NSMCE4A: variants seen among roughly 807,000 people sequenced by gnomAD.
The protein encoded by NSMCE4A is NSE4A component of SMC5/6 complex.
Under a neutral mutation model 47.9 loss-of-function variants are expected in NSMCE4A, and 40 were observed. That is an observed-to-expected ratio of 0.83 (90% CI 0.65 to 1.09). NSMCE4A has a LOEUF of 1.09. NSMCE4A is among the 50% of genes least tolerant of loss of function. NSMCE4A has a pLI of 0.00. For missense variants in NSMCE4A, 500 were observed against 507.0 expected (o/e 0.99, Z 0.13); for synonymous variants, 166 against 178.5 (o/e 0.93, Z 0.56).
chr10:121,975,170 C>T lies in NSMCE4A; in HGVS notation c.-5G>A, dbSNP rs918899083. On this transcript the variant is annotated 5_prime_UTR_variant, in exon 1 of 11. Transcript: ENST00000369023. ...GCCGCTGCTGTCCCCAGACATAGCG[C>T]CAATTCACCGTGCAACTTCGGAACG... 60 of 1,372,648 alleles carry T rather than the reference C, an allele frequency of 4.4e-5. No individual in the cohort carries two copies. The highest frequency in any genetic ancestry group is 5.0e-5 in the Non-Finnish European group (54 of 1,070,852). The allele number at this position is 1,372,648 out of a possible 1,614,324, so 85.0% of individuals were successfully genotyped here.
chr10:121,965,077 A>G (rs573619231), intron 5 of NSMCE4A, among the ~76,000 whole-genome samples: 68 of 152,290 alleles, frequency 4.5e-4, no homozygotes, highest in Non-Finnish European at 8.7e-4. Flanking sequence ...GCTTCGGAGA[A>G]CTGATCAAAA....
chr10:121,971,075 C>G lies in NSMCE4A; in HGVS notation c.371-6G>C. Reference sequence around the variant, plus strand: ...TGCTTCTCTTGCTCGGGACACTATTCAAAAAAGAAAGAAAATATTCACATT... The same window carrying G: ...TGCTTCTCTTGCTCGGGACACTATTGAAAAAAGAAAGAAAATATTCACATT... On this transcript the variant is annotated splice_polypyrimidine_tract_variant and splice_region_variant and intron_variant, in intron 2 of 10. Transcript: ENST00000369023. 6.3e-7 allele frequency: 1 copy of G among 1,596,962 alleles called. No individual in the cohort carries two copies. Among genetic ancestry groups the G allele is most frequent in the Non-Finnish European group, 8.5e-7 (1 of 1,173,108 alleles).
chr10:121,971,523 CA>C (rs554321594), intron 2 of NSMCE4A, among the ~76,000 whole-genome samples: 68 of 151,166 alleles, frequency 4.5e-4, no homozygotes, highest in South Asian at 3.1e-3. Context: ...AAAACAAAAA[CA>C]AAAAAAAACT....
intron 1 of NSMCE4A, 101 bp downstream of exon 1, chr10:121,974,773 C>T (rs1455192542): frequency 3.3e-5 from 39 of 1,184,502 alleles, no homozygotes; most frequent in Non-Finnish European, 4.0e-5. Context: ...CCGCGCCGGG[C>T]CTCCGCCCGG....
intron 9 of NSMCE4A, 36 bp from the exon 10 acceptor site, chr10:121,959,446 T>C: frequency 6.2e-7 from 1 of 1,612,802 alleles, no homozygotes; most frequent in Non-Finnish European, 8.5e-7. Context: ...GCACTGGGCT[T>C]ACTGCAAGTG....
intron 4 of NSMCE4A, chr10:121,966,525 G>C (rs1952609973): frequency 6.6e-6 from 1 of 152,160 alleles, no homozygotes; most frequent in Non-Finnish European, 1.5e-5. Context: ...CTATTAAATA[G>C]AACATACACA....
At chr10:121,970,795 T>C (rs1379917829) in intron 3 of NSMCE4A, 144 bp downstream of exon 3, 1 of 668,340 alleles carries the variant, frequency 1.5e-6, no homozygotes, top group Non-Finnish European at 2.3e-6. Context: ...TTCGTCTGTT[T>C]AAATTGGTAA....
At chr10:121,971,104 AAATACACATTATCCAT>A (rs1479333885) in intron 2 of NSMCE4A, 35 bp from the exon 3 acceptor site, 46 of 1,589,738 alleles carry the variant, frequency 2.9e-5, no homozygotes, top group Non-Finnish European at 3.6e-5. Flanking sequence ...TCACATTACA[AAATACACATTATCCAT>A]AGACTTTTTC....
chr10:121,971,772 G>A (rs1347875293), intron 2 of NSMCE4A, among the ~76,000 whole-genome samples: 1 of 152,188 alleles, frequency 6.6e-6, no homozygotes, highest in African/African-American at 2.4e-5. Context: ...TGCTTGGCAT[G>A]GTGGTTTGTG....
intron 2 of NSMCE4A, among the ~76,000 whole-genome samples, chr10:121,973,131 G>A (rs527278474): frequency 2.0e-5 from 3 of 152,072 alleles, no homozygotes; most frequent in African/African-American, 7.2e-5. Flanking sequence ...AGCTACTCGG[G>A]ACGCTGAGGT....
At chr10:121,962,899 A>G (rs931951344) in intron 6 of NSMCE4A, among the ~76,000 whole-genome samples, 2 of 152,174 alleles carry the variant, frequency 1.3e-5, no homozygotes, top group Non-Finnish European at 2.9e-5. Flanking sequence ...CGGCCAAAAC[A>G]AACTATTTAG....
chr10:121,973,551 G>A (rs1266742573), intron 2 of NSMCE4A, among the ~76,000 whole-genome samples: 1 of 152,182 alleles, frequency 6.6e-6, no homozygotes, highest in Non-Finnish European at 1.5e-5. Context: ...AGGTACACTT[G>A]CAGGCTTTGC....
rs74158475 is a variant in NSMCE4A at position 121,959,797 on chromosome 10, A to G, written c.989-202T>C. 5.8e-4 allele frequency: 339 copies of G among 586,244 alleles called. No individual in the cohort carries two copies. The African/African-American group carries it at 5.8e-3, about 10-fold the overall frequency. 36.3% of individuals were successfully genotyped at this position (586,244 alleles called of 1,614,324 possible). ...AGTCATTCCATCTGTTTCCATTTCA[A>G]AAAACATGTAGTAGAGTAACACATT... On this transcript the variant is annotated intron_variant, in intron 8 of 10. Transcript: ENST00000369023.
intron 2 of NSMCE4A, 66 bp from the exon 3 acceptor site, chr10:121,971,135 C>A: frequency 2.3e-6 from 3 of 1,333,270 alleles, no homozygotes; most frequent in Non-Finnish European, 3.1e-6. Context: ...TTTTTCCCTA[C>A]ATTTCCAACT....
chr10:121,974,836 C>G (rs1952787065), intron 1 of NSMCE4A, 38 bp downstream of exon 1: 21 of 1,355,394 alleles, frequency 1.5e-5, no homozygotes, highest in Non-Finnish European at 2.0e-5. Context: ...GGGACAGCGG[C>G]CCGTCCGGGC....
rs774381068 is a variant in NSMCE4A, at chr10:121,963,207, ATT to A, written c.844+29_844+30del. The A allele has an allele frequency of 2.2e-6, 3 of 1,360,584 alleles. No homozygotes were observed. In the Admixed American group the frequency reaches 5.2e-5, roughly 23 times the overall value. The allele number at this position is 1,360,584 out of a possible 1,614,324, so 84.3% of individuals were successfully genotyped here. A position where few individuals can be genotyped will look rare whatever the true frequency, so the allele number is the denominator to read the frequency against. The stretch of plus-strand genomic sequence containing the variant: ...AACCTCAGTGAACAGATAAATACAA[ATT>A]GCTCCACTTTGAATGGTGTTACACT... On this transcript the variant is annotated intron_variant, in intron 6 of 10. Coordinates refer to ENST00000369023, the MANE Select transcript of NSMCE4A (RefSeq NM_017615.3).
chr10:121,960,460 T>C lies in NSMCE4A; in HGVS notation c.940-54A>G. The C allele has an allele frequency of 7.6e-7, 1 of 1,316,132 alleles. No individual in the cohort carries two copies. The highest frequency in any genetic ancestry group is 1.0e-6 in the Non-Finnish European group (1 of 972,114). 81.5% of individuals were successfully genotyped at this position (1,316,132 alleles called of 1,614,324 possible). A position where few individuals can be genotyped will look rare whatever the true frequency, so the allele number is the denominator to read the frequency against. On this transcript the variant is annotated intron_variant, in intron 7 of 10. Transcript: ENST00000369023. This position sits in a 1 kb window ranked among gnomAD's most constrained non-coding sequence, Gnocchi z 4.2. ...GACAAACATTTAAGACTCAAACCTA[T>C]ACGCACTAGATGGAAAAAATTACTC... is the stretch of plus-strand genomic sequence containing the variant.
chr10:121,957,429 C>CTTTTTTT (rs34808169), intron 10 of NSMCE4A, among the ~76,000 whole-genome samples, 170 bp from the exon 11 acceptor site: 6 of 98,346 alleles, frequency 6.1e-5, no homozygotes, highest in South Asian at 3.3e-4. Flanking sequence ...CTTCTTTTTT[C>CTTTTTTT]TTTTTTTTTT....
chr10:121,970,658 T>G (rs1029553562), intron 3 of NSMCE4A, among the ~76,000 whole-genome samples: 2 of 152,058 alleles, frequency 1.3e-5, no homozygotes, highest in African/African-American at 4.8e-5. Flanking sequence ...GAGAATGATC[T>G]AGAACACCAG....
Sources: allele counts gnomAD v4.1 joint callset (sites outside exome capture counted in the v4.1 genomes callset), GRCh38; gene constraint gnomAD v4.1.1; non-coding constraint Gnocchi (gnomAD v3.1); transcripts MANE v1.5; gene names NCBI Gene and HGNC (gene_info 2026-07-23, HGNC 2026-07-21).